Variants in KLF17 observed in about 807,000 individuals in gnomAD.
KLF17 encodes the protein Krueppel-like factor 17.
In KLF17, 31 loss-of-function variants were observed where a neutral mutation model predicts 34.2. That is an observed-to-expected ratio of 0.91 (90% confidence interval 0.68 to 1.22). The LOEUF is 1.22. Among genes scored for constraint, KLF17 ranks in the 50% most tolerant of loss-of-function variants. The pLI is 0.00. For synonymous variants in KLF17, 179 were observed against 186.7 expected (o/e 0.96, Z 0.34); for missense variants, 478 against 505.2 (o/e 0.95, Z 0.52).
chr1:44,125,575 C>T (rs1380525435), intron 1 of KLF17, among the ~76,000 whole-genome samples: 1 of 152,196 alleles, frequency 6.6e-6, no homozygotes, highest in Non-Finnish European at 1.5e-5. Context: ...TCAAGCAATT[C>T]TCGTGCCTCA....
At chr1:44,050,073 G>A in the KLF17 span, among the ~76,000 whole-genome samples, 1 of 152,144 alleles carries the variant, frequency 6.6e-6, no homozygotes, top group African/African-American at 2.4e-5. Context: ...ACTGTCTCCT[G>A]GCATATGCAT....
chr1:44,098,738 G>T, the KLF17 span, among the ~76,000 whole-genome samples: 1 of 151,472 alleles, frequency 6.6e-6, no homozygotes. Context: ...TTTTAGTAGA[G>T]ACCAGGTTTC....
At chr1:44,095,317 G>A in the KLF17 span, among the ~76,000 whole-genome samples, 1 of 150,420 alleles carries the variant, frequency 6.6e-6, no homozygotes, top group Non-Finnish European at 1.5e-5. Context: ...CTGGGTTCAA[G>A]TGATTCTCCT....
chr1:44,112,536 C>T, the KLF17 span, among the ~76,000 whole-genome samples: 1 of 152,094 alleles, frequency 6.6e-6, no homozygotes, highest in Non-Finnish European at 1.5e-5. Flanking sequence ...CTCCCAAGTA[C>T]TAGGACTACA....
At chr1:44,125,759 C>T (rs1258833986) in intron 1 of KLF17, among the ~76,000 whole-genome samples, 4 of 152,188 alleles carry the variant, frequency 2.6e-5, no homozygotes, top group East Asian at 1.9e-4. Context: ...TGAGCCACCG[C>T]ACCTGGCCTC....
the KLF17 span, chr1:44,104,008 T>G: frequency 1.2e-6 from 1 of 854,636 alleles, no homozygotes; most frequent in Non-Finnish European, 2.0e-6. Flanking sequence ...ATGCTGTCCG[T>G]GTCCATGGAG....
At chr1:44,104,307 T>C in the KLF17 span, 1 of 1,582,442 alleles carries the variant, frequency 6.3e-7, no homozygotes, top group Non-Finnish European at 8.6e-7. Context: ...CAGCTTCTCC[T>C]GGCCCAGAGT....
chr1:44,044,215 G>A, the KLF17 span, among the ~76,000 whole-genome samples: 42 of 152,346 alleles, frequency 2.8e-4, no homozygotes, highest in African/African-American at 8.7e-4. Context: ...CAGAAGGCAG[G>A]GACACCACTG....
upstream of KLF17, chr1:44,113,950 C>G (rs2087858156): frequency 6.6e-6 from 1 of 152,364 alleles, no homozygotes; most frequent in Admixed American, 6.5e-5. Flanking sequence ...GTGGGGTGGG[C>G]AGCATGCCTG....
chr1:44,124,381 G>A (rs1393406990), intron 1 of KLF17, among the ~76,000 whole-genome samples: 1 of 150,286 alleles, frequency 6.7e-6, no homozygotes, highest in Non-Finnish European at 1.5e-5. Flanking sequence ...CCAGGCTGGA[G>A]TGCAGTGGCT....
At chr1:44,107,727 C>A in the KLF17 span, among the ~76,000 whole-genome samples, 1 of 151,996 alleles carries the variant, frequency 6.6e-6, no homozygotes, top group East Asian at 1.9e-4. Context: ...TTCAAGTAAC[C>A]CTTATTTTAC....
chr1:44,068,580 T>G, the KLF17 span, among the ~76,000 whole-genome samples: 19,751 of 152,222 alleles, frequency 0.13, 1,501 homozygotes, highest in African/African-American at 0.21. Context: ...AGCTAATGTG[T>G]TATCTGATTC....
chr1:44,067,817 G>T, the KLF17 span, among the ~76,000 whole-genome samples: 1 of 152,012 alleles, frequency 6.6e-6, no homozygotes. Flanking sequence ...CATGGGGGAA[G>T]GGTGGGGATA....
chr1:44,073,702 CT>C, the KLF17 span, among the ~76,000 whole-genome samples: 1 of 152,094 alleles, frequency 6.6e-6, no homozygotes, highest in African/African-American at 2.4e-5. Context: ...GACCTGAGCA[CT>C]GCTGCACTCC....
At chr1:44,085,737 G>A in the KLF17 span, among the ~76,000 whole-genome samples, 1 of 142,178 alleles carries the variant, frequency 7.0e-6, no homozygotes, top group Non-Finnish European at 1.5e-5. Context: ...CCACGAGTTC[G>A]AGACTGCAAT....
the KLF17 span, among the ~76,000 whole-genome samples, chr1:44,090,321 A>AG: frequency 6.7e-6 from 1 of 149,038 alleles, no homozygotes; most frequent in South Asian, 2.1e-4. Flanking sequence ...AAAAAAAAAA[A>AG]AAAAAAAAAA....
chr1:44,066,432 C>T, the KLF17 span, among the ~76,000 whole-genome samples: 857 of 144,792 alleles, frequency 5.9e-3, 8 homozygotes, highest in Non-Finnish European at 8.5e-3. Context: ...TGATATGTTG[C>T]CTAGGCTGGT....
At chr1:44,047,920 A>G in the KLF17 span, 1 of 152,190 alleles carries the variant, frequency 6.6e-6, no homozygotes, top group South Asian at 2.1e-4. Context: ...TGTGGCCAAT[A>G]AAGGTGGGCT....
the KLF17 span, among the ~76,000 whole-genome samples, chr1:44,108,103 G>A: frequency 6.6e-6 from 1 of 152,220 alleles, no homozygotes. Context: ...TGCCCCCACT[G>A]AGTTTCAGAT....
Sources: allele counts gnomAD v4.1 joint callset (sites outside exome capture counted in the v4.1 genomes callset), GRCh38; gene constraint gnomAD v4.1.1; transcripts MANE v1.5; gene names NCBI Gene and HGNC (gene_info 2026-07-23, HGNC 2026-07-21).